GCNT1: variants seen among roughly 807,000 people sequenced by gnomAD.
GCNT1 encodes the protein beta-1,3-galactosyl-O-glycosyl-glycoprotein beta-1,6-N-acetylglucosaminyltransferase.
GCNT1 carries 16 observed loss-of-function variants against 26.2 expected under a neutral mutation model. The ratio of observed to expected loss-of-function variants is 0.61; its 90% confidence interval spans 0.41 to 0.93. The LOEUF (loss-of-function observed/expected upper bound fraction) is 0.93, where lower values mean the gene tolerates loss of function less well. GCNT1 is among the 40% of genes least tolerant of loss of function. The pLI, the probability that GCNT1 is intolerant of heterozygous loss-of-function variation, is 0.00. For synonymous variants in GCNT1, 183 were observed against 190.8 expected (o/e 0.96, Z 0.34); for missense variants, 477 against 526.7 (o/e 0.91, Z 0.92).
intron 2 of GCNT1, among the ~76,000 whole-genome samples, chr9:76,481,196 A>G (rs983602973): frequency 1.3e-5 from 2 of 152,018 alleles, no homozygotes; most frequent in Non-Finnish European, 2.9e-5. Context: ...ACAGAGCAAG[A>G]CTCCGTCTCA....
intron 2 of GCNT1, among the ~76,000 whole-genome samples, chr9:76,474,026 G>T (rs140864026): frequency 2.0e-5 from 3 of 152,272 alleles, no homozygotes; most frequent in Non-Finnish European, 4.4e-5. Flanking sequence ...TTTGAACCTG[G>T]GAAGTCGAGG....
chr9:76,421,348 CT>C (rs1482316149), intron 1 of GCNT1, among the ~76,000 whole-genome samples: 10 of 152,096 alleles, frequency 6.6e-5, no homozygotes, highest in African/African-American at 2.4e-4. Flanking sequence ...ACCTGTAATC[CT>C]AGCATTTTCG....
chr9:76,494,826 C>T (rs4745555), intron 2 of GCNT1, among the ~76,000 whole-genome samples: 34,216 of 151,886 alleles, frequency 0.23, 4,893 homozygotes, highest in East Asian at 0.58. Flanking sequence ...AGGAGAGTTC[C>T]GCTCTTGGCT....
intron 1 of GCNT1, among the ~76,000 whole-genome samples, chr9:76,445,621 G>A (rs561451416): frequency 2.7e-5 from 4 of 150,628 alleles, no homozygotes; most frequent in South Asian, 2.1e-4. Context: ...TCGAACTCCC[G>A]AGCTCAAGCG....
At chr9:76,421,820 A>C (rs1564218561) in intron 1 of GCNT1, among the ~76,000 whole-genome samples, 2 of 150,626 alleles carry the variant, frequency 1.3e-5, no homozygotes, top group African/African-American at 4.9e-5. Context: ...CAGCCTCCCA[A>C]GTAGCTGGGA....
intron 2 of GCNT1, among the ~76,000 whole-genome samples, chr9:76,475,073 G>A (rs191868961): frequency 7.2e-5 from 11 of 152,238 alleles, no homozygotes; most frequent in Middle Eastern, 3.4e-3. Context: ...CACCACGCCC[G>A]GCTTTCTCTG....
At chr9:76,443,602 G>T (rs1823517028) in intron 1 of GCNT1, among the ~76,000 whole-genome samples, 3 of 152,174 alleles carry the variant, frequency 2.0e-5, no homozygotes, top group Non-Finnish European at 4.4e-5. Context: ...CTTCCAGCAT[G>T]GCTATTATGG....
rs906623994 is a variant in GCNT1, at chr9:76,505,743, A to C, written c.*2075A>C. 6.0e-6 allele frequency: 1 copy of C among 166,954 alleles called. No homozygotes were observed. Among genetic ancestry groups the C allele is most frequent in the African/African-American group, 2.4e-5 (1 of 41,462 alleles). The allele number at this position is 166,954 out of a possible 1,614,324, so 10.3% of individuals were successfully genotyped here. A position where few individuals can be genotyped will look rare whatever the true frequency, so the allele number is the denominator to read the frequency against. ...GGCAAAATTGGAAATTAAAATTTTT[A>C]AAAATTACAAATATACAAAGTTATT... On this transcript the variant is annotated 3_prime_UTR_variant, in exon 4 of 4. Coordinates refer to ENST00000376730, the MANE Select transcript of GCNT1 (RefSeq NM_001490.5).
At chr9:76,399,324 A>T in the GCNT1 span, 3 of 1,460,806 alleles carry the variant, frequency 2.1e-6, no homozygotes, top group South Asian at 3.4e-5. Context: ...GATCCTGAAG[A>T]TATTGAAAAA....
At chr9:76,450,604 T>G (rs1823649847) in intron 1 of GCNT1, among the ~76,000 whole-genome samples, 1 of 152,238 alleles carries the variant, frequency 6.6e-6, no homozygotes, top group Non-Finnish European at 1.5e-5. Flanking sequence ...GCCAATCTGA[T>G]AGGTAAAAAG....
the GCNT1 span, among the ~76,000 whole-genome samples, chr9:76,409,864 A>G: frequency 6.6e-6 from 1 of 151,286 alleles, no homozygotes; most frequent in Non-Finnish European, 1.5e-5. Flanking sequence ...CTGATTTTAG[A>G]TATTTTTTCC....
At position 76,504,496 on chromosome 9, in the gene GCNT1, T is replaced by C. The variant is rs936925565; in HGVS notation, c.*828T>C. On this transcript the variant is annotated 3_prime_UTR_variant, in exon 4 of 4. Transcript: ENST00000376730. Reference sequence around the variant, plus strand: ...TATCAAGCTGTGTAAAAATTTACTTTCACTGGACCCTAAATTATTGTCTCT... The same window carrying C: ...TATCAAGCTGTGTAAAAATTTACTTCCACTGGACCCTAAATTATTGTCTCT... 5.9e-6 allele frequency: 2 copies of C among 338,496 alleles called. No homozygotes were observed. Among genetic ancestry groups the C allele is most frequent in the African/African-American group, 2.1e-5 (1 of 47,194 alleles). The allele number at this position is 338,496 out of a possible 1,614,324, so 21.0% of individuals were successfully genotyped here.
rs1418043545 is a variant in GCNT1 at position 76,507,122 on chromosome 9, G to C, written c.*3454G>C. On this transcript the variant is annotated 3_prime_UTR_variant, in exon 4 of 4. Transcript: ENST00000376730. ...AAAGCCTATTTTATAATGAAGTGTT[G>C]AATAGCTCATGTTATTTACTGAATA... is the stretch of plus-strand genomic sequence containing the variant. 1 of 166,898 alleles carries C rather than the reference G, an allele frequency of 6.0e-6. No individual in the cohort carries two copies. Among genetic ancestry groups the C allele is most frequent in the Non-Finnish European group, 1.5e-5 (1 of 68,084 alleles). The allele number at this position is 166,898 out of a possible 1,614,324, so 10.3% of individuals were successfully genotyped here.
At chr9:76,439,244 T>TTTTTTA (rs71372082), upstream of GCNT1, among the ~76,000 whole-genome samples, 1 of 148,732 alleles carries the variant, frequency 6.7e-6, no homozygotes. Flanking sequence ...TTTTTTTTTT[T>TTTTTTA]GAGACAGTCT....
the GCNT1 span, among the ~76,000 whole-genome samples, chr9:76,413,653 G>GTTTTTTTTTTTTTTTTTTTTT: frequency 4.0e-4 from 47 of 118,664 alleles, no homozygotes; most frequent in East Asian, 1.6e-3. Flanking sequence ...GTTTTGTTTT[G>GTTTTTTTTTTTTTTTTTTTTT]TTTTTTTTTT....
At position 76,443,541 on chromosome 9, in the gene GCNT1, C is replaced by A. The variant is rs140092869; in HGVS notation, c.-290+1226C>A. ...TTAAGAATGCCTTTAAGCGGTTTTCCACCCTGGGTGGGCCAGGTGTTCCTT... is the reference window on the plus strand; with the variant it reads ...TTAAGAATGCCTTTAAGCGGTTTTCAACCCTGGGTGGGCCAGGTGTTCCTT... On this transcript the variant is annotated intron_variant, in intron 1 of 2. Coordinates refer to the GCNT1 transcript ENST00000442371. 2.0e-3 allele frequency among the ~76,000 whole-genome samples: 300 copies of A among 152,302 alleles called. 1 individual carries two copies. The highest frequency in any genetic ancestry group is 7.0e-3 in the African/African-American group (291 of 41,566).
chr9:76,400,995 A>T, the GCNT1 span, among the ~76,000 whole-genome samples: 2 of 152,230 alleles, frequency 1.3e-5, no homozygotes, highest in South Asian at 2.1e-4. Context: ...ATAGCACCTC[A>T]TAAAGCATTT....
chr9:76,488,712 T>C (rs1824648773), intron 2 of GCNT1, among the ~76,000 whole-genome samples: 1 of 152,222 alleles, frequency 6.6e-6, no homozygotes, highest in Non-Finnish European at 1.5e-5. Context: ...CCCAAACTCA[T>C]GCCTTAGGTG....
At position 76,503,323 on chromosome 9, in the gene GCNT1, C is replaced by G; in HGVS notation, c.942C>G (p.Asp314Glu). The change falls in exon 4 of 4, where the codon GAC (aspartate) becomes GAG (glutamate). Residue 314 changes from aspartate (D) to glutamate (E), a missense_variant. Coordinates refer to ENST00000376730, the MANE Select transcript of GCNT1 (RefSeq NM_001490.5). ...KIQKLMEWAQ[D>E]TYSPDEYLWA... ...AAAAGTTGATGGAGTGGGCACAAGA[C>G]ACATACAGCCCTGATGAGTATCTCT... 6.2e-7 allele frequency: 1 copy of G among 1,614,104 alleles called. No homozygotes were observed. Among genetic ancestry groups the G allele is most frequent in the Non-Finnish European group, 8.5e-7 (1 of 1,179,974 alleles).
Sources: allele counts gnomAD v4.1 joint callset (sites outside exome capture counted in the v4.1 genomes callset), GRCh38; gene constraint gnomAD v4.1.1; transcripts MANE v1.5; gene names NCBI Gene and HGNC (gene_info 2026-07-23, HGNC 2026-07-21).